Variants in CLSTN2 observed in about 807,000 individuals in gnomAD.
CLSTN2 encodes calsyntenin-2.
In CLSTN2, 48 loss-of-function variants were observed where a neutral mutation model predicts 101.2. That is an observed-to-expected ratio of 0.47 (90% CI 0.38 to 0.60). The LOEUF (loss-of-function observed/expected upper bound fraction) is 0.60, where lower values mean the gene tolerates loss of function less well. Among genes scored for constraint, CLSTN2 ranks in the 20% least tolerant of loss-of-function variants. CLSTN2 has a pLI of 0.00. For synonymous variants in CLSTN2, 481 were observed against 463.6 expected (o/e 1.04, Z -0.48); for missense variants, 1,160 against 1,238.2 (o/e 0.94, Z 0.95).
chr3:140,497,358 AGGGATGGATTGGGG>A (rs1378489557), intron 8 of CLSTN2, among the ~76,000 whole-genome samples: 1 of 152,088 alleles, frequency 6.6e-6, no homozygotes, highest in Non-Finnish European at 1.5e-5. Flanking sequence ...CCCAGTCAGG[AGGGATGGATTGGGG>A]GTCCCATTTG....
chr3:140,469,847 A>G (rs531186911), intron 8 of CLSTN2, among the ~76,000 whole-genome samples: 8 of 152,280 alleles, frequency 5.3e-5, no homozygotes, highest in Non-Finnish European at 7.4e-5. Context: ...AAGAGGAAAA[A>G]TCCAGAGATC....
At chr3:140,007,661 C>G (rs927999884) in intron 1 of CLSTN2, among the ~76,000 whole-genome samples, 1 of 152,174 alleles carries the variant, frequency 6.6e-6, no homozygotes, top group African/African-American at 2.4e-5. Context: ...GTGGGAGGCT[C>G]GGTCTGGCTC....
intron 1 of CLSTN2, among the ~76,000 whole-genome samples, chr3:140,025,575 A>G (rs2007401278): frequency 6.6e-6 from 1 of 152,166 alleles, no homozygotes; most frequent in Non-Finnish European, 1.5e-5. Flanking sequence ...GCTCTTGTTG[A>G]TGGGGTTGAC....
At chr3:140,155,800 C>T (rs908064019) in intron 1 of CLSTN2, among the ~76,000 whole-genome samples, 2 of 152,220 alleles carry the variant, frequency 1.3e-5, no homozygotes, top group African/African-American at 4.8e-5. Flanking sequence ...TGTCATGGAA[C>T]AACCAGTAAG....
intron 1 of CLSTN2, among the ~76,000 whole-genome samples, chr3:140,017,893 C>T (rs1445035515): frequency 6.6e-6 from 1 of 152,208 alleles, no homozygotes; most frequent in Non-Finnish European, 1.5e-5. Flanking sequence ...ATTGTCTCAT[C>T]CTGAAGTATT....
At chr3:140,401,063 G>A (rs986493499) in intron 2 of CLSTN2, among the ~76,000 whole-genome samples, 5 of 152,224 alleles carry the variant, frequency 3.3e-5, no homozygotes, top group South Asian at 2.1e-4. Flanking sequence ...ACAGGCCAGC[G>A]CTGGGTCTAT....
chr3:140,122,386 A>G (rs1470088528), intron 1 of CLSTN2, among the ~76,000 whole-genome samples: 1 of 152,224 alleles, frequency 6.6e-6, no homozygotes, highest in East Asian at 1.9e-4. Context: ...AACATTTGGT[A>G]CACAACAGAG....
chr3:140,362,653 A>G (rs1215844779), intron 2 of CLSTN2, among the ~76,000 whole-genome samples: 1 of 152,184 alleles, frequency 6.6e-6, no homozygotes, highest in African/African-American at 2.4e-5. Flanking sequence ...AATGGGAAAA[A>G]TGTTTGAATA....
At chr3:139,969,842 C>A (rs1453761646) in intron 1 of CLSTN2, among the ~76,000 whole-genome samples, 2 of 152,084 alleles carry the variant, frequency 1.3e-5, no homozygotes, top group Non-Finnish European at 2.9e-5. Flanking sequence ...AACCCTGTAC[C>A]CCTTTGGACC....
chr3:140,426,879 T>G (rs2088569658), intron 5 of CLSTN2, among the ~76,000 whole-genome samples: 1 of 152,070 alleles, frequency 6.6e-6, no homozygotes, highest in Admixed American at 6.6e-5. Context: ...AAGCATCACT[T>G]AAAGAGAGAA....
At chr3:139,979,365 T>G (rs1174093693) in intron 1 of CLSTN2, among the ~76,000 whole-genome samples, 1 of 152,216 alleles carries the variant, frequency 6.6e-6, no homozygotes, top group African/African-American at 2.4e-5. Context: ...TTTAAATATT[T>G]CCTTGCTCAT....
At chr3:140,476,430 C>T (rs73231225) in intron 8 of CLSTN2, among the ~76,000 whole-genome samples, 12,283 of 152,262 alleles carry the variant, frequency 0.081, 642 homozygotes, top group East Asian at 0.12. Flanking sequence ...AGGTGCTTTC[C>T]ACATCTCTCA....
intron 1 of CLSTN2, among the ~76,000 whole-genome samples, chr3:140,021,775 C>A (rs2007321622): frequency 6.6e-6 from 1 of 152,158 alleles, no homozygotes; most frequent in Non-Finnish European, 1.5e-5. Context: ...GGCAAAAATA[C>A]CCCCATTAAA....
At chr3:139,952,101 C>G (rs1190817587) in intron 1 of CLSTN2, among the ~76,000 whole-genome samples, 1 of 151,940 alleles carries the variant, frequency 6.6e-6, no homozygotes, top group Non-Finnish European at 1.5e-5. Context: ...TGGTATAGCC[C>G]CTTAATAAGT....
intron 5 of CLSTN2, among the ~76,000 whole-genome samples, chr3:140,422,982 C>T (rs769489420): frequency 6.6e-6 from 1 of 152,218 alleles, no homozygotes; most frequent in East Asian, 1.9e-4. Flanking sequence ...GAACGTGTGG[C>T]CTTTGAAGAG....
intron 2 of CLSTN2, among the ~76,000 whole-genome samples, chr3:140,294,858 C>T (rs1331024372): frequency 6.6e-6 from 1 of 152,154 alleles, no homozygotes; most frequent in Non-Finnish European, 1.5e-5. Flanking sequence ...TTCCATGTTG[C>T]AGACTGCTGA....
intron 1 of CLSTN2, among the ~76,000 whole-genome samples, chr3:140,035,653 T>C (rs2007638592): frequency 6.6e-6 from 1 of 152,210 alleles, no homozygotes; most frequent in Non-Finnish European, 1.5e-5. Context: ...AGGGAACCTA[T>C]GTAAGCCCCA....
chr3:140,402,879 T>C (rs2088259030), intron 2 of CLSTN2, among the ~76,000 whole-genome samples: 1 of 152,238 alleles, frequency 6.6e-6, no homozygotes, highest in African/African-American at 2.4e-5. Flanking sequence ...GCCTCTGTTT[T>C]GCTCCCTCAA....
intron 2 of CLSTN2, among the ~76,000 whole-genome samples, chr3:140,235,289 G>A (rs2086406553): frequency 6.6e-6 from 1 of 152,086 alleles, no homozygotes; most frequent in Admixed American, 6.5e-5. Context: ...AACCCTGAAG[G>A]CCAGATGGGG....
Sources: gnomAD v4.1 joint callset for allele counts (sites outside exome capture counted in the v4.1 genomes callset) on GRCh38, gnomAD v4.1.1 for gene constraint, MANE v1.5 for transcripts, NCBI Gene and HGNC (gene_info 2026-07-23, HGNC 2026-07-21) for gene names.